MAPK6: variants seen among roughly 807,000 people sequenced by gnomAD.
MAPK6 encodes ERK-3.
In MAPK6, 19 loss-of-function variants were observed where a neutral mutation model predicts 59.3. The ratio of observed to expected loss-of-function variants is 0.32; its 90% confidence interval spans 0.22 to 0.47. MAPK6 has a LOEUF of 0.47. MAPK6 is among the 20% of genes least tolerant of loss of function. The pLI, the probability that MAPK6 is intolerant of heterozygous loss-of-function variation, is 1.00. For missense variants in MAPK6, 724 were observed against 847.9 expected (o/e 0.85, Z 1.81); for synonymous variants, 316 against 290.3 (o/e 1.09, Z -0.90).
intron 4 of MAPK6, among the ~76,000 whole-genome samples, chr15:52,060,004 A>C (rs1265164427): frequency 1.3e-5 from 2 of 152,204 alleles, no homozygotes; most frequent in Non-Finnish European, 2.9e-5. Flanking sequence ...TGAACGTATA[A>C]GACTCCTAGG....
intron 2 of MAPK6, among the ~76,000 whole-genome samples, chr15:51,984,447 A>ATTTTTTTTTTTTTTTTTTTTTTTTTTTTT (rs71130112): frequency 4.3e-5 from 3 of 69,974 alleles, no homozygotes; most frequent in African/African-American, 1.3e-4. Context: ...ACGCCGGCTA[A>ATTTTTTTTTTTTTTTTTTTTTTTTTTTTT]TTTTTTTTTT....
At chr15:52,028,745 C>A (rs952769633) in intron 1 of MAPK6, among the ~76,000 whole-genome samples, 9 of 152,186 alleles carry the variant, frequency 5.9e-5, no homozygotes, top group African/African-American at 2.2e-4. Context: ...CCACATTATT[C>A]TCTAGCTACA....
At chr15:52,006,964 CAATGTTAGA>C (rs2029905797) in intron 3 of MAPK6, among the ~76,000 whole-genome samples, 1 of 152,016 alleles carries the variant, frequency 6.6e-6, no homozygotes, top group Non-Finnish European at 1.5e-5. Flanking sequence ...CCCAGAGAAT[CAATGTTAGA>C]AATACTGGTT....
chr15:52,036,637 T>G (rs886099705), intron 1 of MAPK6, among the ~76,000 whole-genome samples: 1 of 152,154 alleles, frequency 6.6e-6, no homozygotes, highest in African/African-American at 2.4e-5. Context: ...CCCATGAACT[T>G]TGGGGGACAC....
chr15:52,064,130 A>G lies in MAPK6; in HGVS notation c.1296A>G (p.Glu432=), dbSNP rs2032315413. 6.2e-7 allele frequency: 1 copy of G among 1,611,902 alleles called. No homozygotes were observed. The highest frequency in any genetic ancestry group is 1.7e-5 in the Admixed American group (1 of 59,840). Residue 432 remains glutamate (E), a synonymous_variant, in exon 6 of 6, where the codon GAA becomes GAG. Transcript: ENST00000261845. ...EPCWQYSDHH[E]NKYCDLECSH... is the part of the protein sequence containing the mutation. ...GTTGGCAATACTCAGATCATCATGA[A>G]AACAAATATTGTGATCTGGAGTGTA...
chr15:52,051,651 A>G (rs1279345830), intron 3 of MAPK6, among the ~76,000 whole-genome samples: 3 of 152,114 alleles, frequency 2.0e-5, no homozygotes, highest in African/African-American at 7.2e-5. Flanking sequence ...CAGCGGGCAG[A>G]TCACTTGAGG....
At chr15:51,993,140 C>A (rs1305463631) in intron 2 of MAPK6, among the ~76,000 whole-genome samples, 1 of 152,000 alleles carries the variant, frequency 6.6e-6, no homozygotes, top group Non-Finnish European at 1.5e-5. Flanking sequence ...CAGGAGTGTA[C>A]CAAAAGTTAC....
Position 52,064,618 on chromosome 15 carries a change from G to C in MAPK6, c.1784G>C (p.Ser595Thr). ...GCCTTGTACCAGTCTTCTTGGGACA[G>C]CCAGTTTGTGAGTGGTGGGGAGGAC... Reference protein sequence around the residue: ...LEALYQSSWDSQFVSGGEDCF... With the variant: ...LEALYQSSWDTQFVSGGEDCF... The change falls in exon 6 of 6, where the codon AGC becomes ACC. Residue 595 changes from serine to threonine, a missense_variant. By Grantham distance (58) the Ser-to-Thr change is moderately conservative. Coordinates refer to ENST00000261845, the MANE Select transcript of MAPK6 (RefSeq NM_002748.4). 2.5e-6 allele frequency: 4 copies of C among 1,611,810 alleles called. No individual in the cohort carries two copies. The highest frequency in any genetic ancestry group is 3.4e-6 in the Non-Finnish European group (4 of 1,179,712).
chr15:52,061,337 A>G lies in MAPK6; in HGVS notation c.904A>G (p.Met302Val), dbSNP rs554429888. 1 of 1,614,012 alleles carries G rather than the reference A, an allele frequency of 6.2e-7. No homozygotes were observed. Among genetic ancestry groups the G allele is most frequent in the Non-Finnish European group, 8.5e-7 (1 of 1,180,002 alleles). The change falls in exon 5 of 6, where the codon ATG (methionine) becomes GTG (valine). Residue 302 changes from methionine to valine, a missense_variant. Met to Val is a conservative substitution (Grantham distance 21, BLOSUM62 1). Coordinates refer to ENST00000261845, the MANE Select transcript of MAPK6 (RefSeq NM_002748.4). ...GGAACAAATTTTGACATTTAGCCCC[A>G]TGGATCGGTTAACAGCAGAAGAAGC... Reference protein sequence around the residue: ...FLEQILTFSPMDRLTAEEALS... With the variant: ...FLEQILTFSPVDRLTAEEALS...
intron 1 of MAPK6, among the ~76,000 whole-genome samples, chr15:52,029,411 T>G (rs1258289655): frequency 6.6e-6 from 1 of 152,112 alleles, no homozygotes; most frequent in Non-Finnish European, 1.5e-5. Flanking sequence ...TTTTTCACCC[T>G]CTTTTTCTAA....
At chr15:52,014,887 C>G (rs2030189752), upstream of MAPK6, among the ~76,000 whole-genome samples, 1 of 152,134 alleles carries the variant, frequency 6.6e-6, no homozygotes, top group Non-Finnish European at 1.5e-5. Context: ...GCAATGCTCT[C>G]TTATTTAGTT....
At chr15:52,053,674 C>T (rs1375628012) in intron 3 of MAPK6, among the ~76,000 whole-genome samples, 1 of 151,656 alleles carries the variant, frequency 6.6e-6, no homozygotes, top group South Asian at 2.1e-4. Flanking sequence ...GAGTCTTGCT[C>T]TCTTGCCTGG....
chr15:51,992,311 T>A (rs1450328404), intron 2 of MAPK6, among the ~76,000 whole-genome samples: 2,489 of 135,386 alleles, frequency 0.018, 80 homozygotes, highest in African/African-American at 0.077. Flanking sequence ...ATATATTTTT[T>A]TTTTTTTTGA....
chr15:52,030,832 C>T (rs2031001384), intron 1 of MAPK6, among the ~76,000 whole-genome samples: 1 of 148,502 alleles, frequency 6.7e-6, no homozygotes, highest in Non-Finnish European at 1.5e-5. Context: ...CAGTCTGTTA[C>T]CCAGGCTGGA....
chr15:51,993,730 G>A (rs1410324791), intron 2 of MAPK6, among the ~76,000 whole-genome samples: 1 of 151,724 alleles, frequency 6.6e-6, no homozygotes, highest in African/African-American at 2.4e-5. Context: ...TGAGAACAGT[G>A]ACACCTAATA....
At chr15:52,016,064 G>GCT (rs1219275611), upstream of MAPK6, among the ~76,000 whole-genome samples, 2 of 54,954 alleles carry the variant, frequency 3.6e-5, no homozygotes, top group Non-Finnish European at 7.6e-5. Context: ...GCGCGCGCGC[G>GCT]CGCGCGCACA....
At chr15:52,045,403 T>A (rs1327553551) in intron 1 of MAPK6, among the ~76,000 whole-genome samples, 2 of 152,264 alleles carry the variant, frequency 1.3e-5, no homozygotes, top group Non-Finnish European at 2.9e-5. Context: ...TCATTGGATA[T>A]TGATAGGCAT....
chr15:52,048,433 C>T (rs1302802537), intron 2 of MAPK6, among the ~76,000 whole-genome samples: 1 of 150,294 alleles, frequency 6.7e-6, no homozygotes, highest in Middle Eastern at 3.5e-3. Flanking sequence ...AGCCTGACAA[C>T]ATGGTGAAAC....
In MAPK6 at chr15:51,978,741, G is replaced by A. The variant is rs138982678; in HGVS notation, c.-879-4465G>A. Among the ~76,000 whole-genome samples the A allele has an allele frequency of 4.2e-3, 638 of 151,404 alleles. 7 individuals are homozygous for A. The highest frequency in any genetic ancestry group is 0.015 in the African/African-American group (612 of 41,362). On this transcript the variant is annotated intron_variant, in intron 1 of 7. Transcript: ENST00000691380. ...TTTGGATTTCAGAATTTTGAAAAAG[G>A]GATTGTGGACTAGAACTAACTTATT...
Sources: allele counts gnomAD v4.1 joint callset (sites outside exome capture counted in the v4.1 genomes callset), GRCh38; gene constraint gnomAD v4.1.1; transcripts MANE v1.5; gene names NCBI Gene and HGNC (gene_info 2026-07-23, HGNC 2026-07-21).